The following SYNE1 variants were observed in gnomAD, a reference collection of about 807,000 sequenced individuals.
The protein encoded by SYNE1 is nesprin-1.
A neutral mutation model predicts 1,111.0 loss-of-function variants in SYNE1; 616 were observed. The observed-to-expected ratio is 0.55, with a 90% CI of 0.52 to 0.59. The LOEUF (loss-of-function observed/expected upper bound fraction) is 0.59. Among genes scored for constraint, SYNE1 ranks in the 20% least tolerant of loss-of-function variants. The probability of loss-of-function intolerance (pLI) is 0.00; values close to 1 mark genes in which losing one functional copy is unlikely to be tolerated. For synonymous variants in SYNE1, 3,855 were observed against 3,825.8 expected (o/e 1.01, Z -0.28); for missense variants, 10,006 against 10,417.0 (o/e 0.96, Z 1.72).
chr6:152,211,004 G>A (rs1325703319), intron 124 of SYNE1, among the ~76,000 whole-genome samples: 1 of 152,180 alleles, frequency 6.6e-6, no homozygotes, highest in Non-Finnish European at 1.5e-5. Context: ...CCAGACATGA[G>A]CTCCAGGCCT....
Position 152,201,934 on chromosome 6 carries a change from C to T in SYNE1, c.23035G>A (p.Glu7679Lys). Residue 7679 changes from glutamate to lysine, a missense_variant, in exon 127 of 146, where the codon GAG (glutamate) becomes AAG (lysine). Coordinates refer to ENST00000367255, the MANE Select transcript of SYNE1 (RefSeq NM_182961.4). The stretch of plus-strand genomic sequence containing the variant: ...TCCAGGGAATCTGCTATTCCTTTCT[C>T]ACATTTTTCCCAGTCCTATCATGGG... ...AFLLKDWEKC[E>K]KGIADSLEKL... 1 of 1,613,954 alleles carries T rather than the reference C, an allele frequency of 6.2e-7. No individual in the cohort carries two copies. Among genetic ancestry groups the T allele is most frequent in the Non-Finnish European group, 8.5e-7 (1 of 1,179,880 alleles).
chr6:152,589,427 T>C (rs141891420), intron 3 of SYNE1, among the ~76,000 whole-genome samples: 22 of 152,326 alleles, frequency 1.4e-4, no homozygotes, highest in African/African-American at 5.3e-4. Context: ...AACCTGTTAG[T>C]GTGAAAACTC....
chr6:152,278,356 C>T, intron 97 of SYNE1, 76 bp from the exon 98 acceptor site: 2 of 1,543,812 alleles, frequency 1.3e-6, no homozygotes, highest in Non-Finnish European at 1.8e-6. Flanking sequence ...CAGTGAAATA[C>T]AGCCCTTTGG....
intron 53 of SYNE1, among the ~76,000 whole-genome samples, chr6:152,389,863 G>A (rs944663902): frequency 8.5e-5 from 13 of 152,120 alleles, no homozygotes; most frequent in East Asian, 3.9e-4. Flanking sequence ...GCAAATGGGC[G>A]TAGTATGACT....
chr6:152,224,798 A>G (rs2153479302), intron 116 of SYNE1, 134 bp from the exon 117 acceptor site: 1 of 912,496 alleles, frequency 1.1e-6, no homozygotes, highest in Middle Eastern at 3.1e-4. Flanking sequence ...ACAAAACTAA[A>G]AAGAAAAAGA....
intron 44 of SYNE1, 61 bp from the exon 45 acceptor site, chr6:152,407,257 A>C: frequency 6.8e-7 from 1 of 1,475,434 alleles, no homozygotes; most frequent in Non-Finnish European, 9.4e-7. Flanking sequence ...TCATCCCCCA[A>C]CCAAAGTACC....
rs758316270 is a variant in SYNE1, at chr6:152,428,372, C to T, written c.4809G>A (p.Glu1603=). ...AGGCAGTGATCGCGCTGCTCAGTGA[C>T]TCCAGGGCCTGGCAGAGATCCTAAG... ...QEHMDLCQAL[E]SLSSAITAFS... is the part of the protein sequence containing the mutation. The change falls in exon 37 of 146, where the codon GAG becomes GAA. Residue 1603 remains glutamate, a synonymous_variant. Coordinates refer to ENST00000367255, the MANE Select transcript of SYNE1 (RefSeq NM_182961.4). The T allele has an allele frequency of 5.0e-6, 8 of 1,613,864 alleles. No homozygotes were observed. Among genetic ancestry groups the T allele is most frequent in the Non-Finnish European group, 6.8e-6 (8 of 1,180,030 alleles).
chr6:152,354,804 T>C lies in SYNE1; in HGVS notation c.10781A>G (p.Asn3594Ser), dbSNP rs763031183. 2 of 1,614,122 alleles carry C rather than the reference T, an allele frequency of 1.2e-6. No homozygotes were observed. Among genetic ancestry groups the C allele is most frequent in the African/African-American group, 2.7e-5 (2 of 74,938 alleles). ...HRLSETRTQF[N>S]NVVNKLRLME... ...TAGCCTCAATTTGTTCACCACGTTA[T>C]TGAACTGAGTTCGAGTCTCGGACAG... is the stretch of plus-strand genomic sequence containing the variant. The change falls in exon 67 of 146, where the codon AAT (asparagine) becomes AGT (serine). Residue 3594 changes from asparagine to serine, a missense_variant. Coordinates refer to ENST00000367255, the MANE Select transcript of SYNE1 (RefSeq NM_182961.4).
intron 116 of SYNE1, 63 bp downstream of exon 116, chr6:152,225,658 C>T: frequency 6.2e-7 from 1 of 1,607,450 alleles, no homozygotes; most frequent in South Asian, 1.1e-5. Context: ...AAAACCAAAA[C>T]CCAGAGTTTG....
At chr6:152,344,735 G>A (rs1453818656) in intron 73 of SYNE1, among the ~76,000 whole-genome samples, 2 of 152,134 alleles carry the variant, frequency 1.3e-5, no homozygotes, top group African/African-American at 4.8e-5. Flanking sequence ...GTGGAGAGGT[G>A]GATGTCCTCA....
chr6:152,325,830 A>C, intron 80 of SYNE1, 128 bp downstream of exon 80: 1 of 1,153,024 alleles, frequency 8.7e-7, no homozygotes, highest in Admixed American at 2.4e-5. Flanking sequence ...CTTCTATAAA[A>C]TGTTGTTAAA....
intron 11 of SYNE1, among the ~76,000 whole-genome samples, chr6:152,498,181 A>T (rs549646586): frequency 6.6e-6 from 1 of 152,234 alleles, no homozygotes; most frequent in Admixed American, 6.5e-5. Context: ...GAAATATGGG[A>T]CATGCATTCA....
chr6:152,319,384 A>G (rs182489817), intron 84 of SYNE1, among the ~76,000 whole-genome samples: 1 of 152,226 alleles, frequency 6.6e-6, no homozygotes, highest in Non-Finnish European at 1.5e-5. Flanking sequence ...CTTTTTCTTC[A>G]TAAGATGGAA....
At chr6:152,147,660 G>A (rs551232163) in intron 137 of SYNE1, 2 of 263,694 alleles carry the variant, frequency 7.6e-6, no homozygotes, top group Non-Finnish European at 1.5e-5. Context: ...CTTTCCCGAA[G>A]TCTCTCCCAG....
intron 42 of SYNE1, among the ~76,000 whole-genome samples, chr6:152,412,598 G>C (rs999121988): frequency 1.3e-5 from 2 of 152,072 alleles, no homozygotes; most frequent in African/African-American, 2.4e-5. Context: ...AAGGGCAAGG[G>C]GAAAAGATAA....
intron 64 of SYNE1, among the ~76,000 whole-genome samples, chr6:152,360,201 C>T (rs943500092): frequency 1.3e-4 from 20 of 152,198 alleles, no homozygotes; most frequent in African/African-American, 4.3e-4. Context: ...GGAAAATCCT[C>T]AGAGCAGCTG....
chr6:152,341,406 A>G (rs1444054044), intron 74 of SYNE1, among the ~76,000 whole-genome samples: 1 of 152,242 alleles, frequency 6.6e-6, no homozygotes, highest in Non-Finnish European at 1.5e-5. Context: ...TAGTGACCAC[A>G]CAGCTGCAAA....
intron 28 of SYNE1, among the ~76,000 whole-genome samples, chr6:152,449,246 T>C (rs529290797): frequency 7.7e-4 from 118 of 152,304 alleles, no homozygotes; most frequent in African/African-American, 2.6e-3. Flanking sequence ...TTCTTAAGTT[T>C]CTACTGGGTT....
chr6:152,133,531 T>C, intron 142 of SYNE1, 43 bp from the exon 143 acceptor site: 1 of 1,591,122 alleles, frequency 6.3e-7, no homozygotes, highest in Non-Finnish European at 8.6e-7. Context: ...GCATTTTTGA[T>C]AATTGGCAAA....
Sources: allele counts gnomAD v4.1 joint callset (sites outside exome capture counted in the v4.1 genomes callset), GRCh38; gene constraint gnomAD v4.1.1; transcripts MANE v1.5; gene names NCBI Gene and HGNC (gene_info 2026-07-23, HGNC 2026-07-21).